SLC25A31: variants seen among roughly 807,000 people sequenced by gnomAD.
The protein encoded by SLC25A31 is ADP/ATP translocase 4.
In SLC25A31, 40 loss-of-function variants were observed where a neutral mutation model predicts 36.2. That is an observed-to-expected ratio of 1.10 (90% CI 0.86 to 1.44). SLC25A31 has a LOEUF of 1.44. SLC25A31 is among the 40% of genes most tolerant of loss of function. The probability of loss-of-function intolerance (pLI) is 0.00; values close to 1 mark genes in which losing one functional copy is unlikely to be tolerated. For missense variants in SLC25A31, 350 were observed against 397.1 expected, an observed-to-expected ratio of 0.88 and a Z score of 1.01; for synonymous variants, 143 against 149.7, an observed-to-expected ratio of 0.96 and a Z score of 0.32.
At chr4:127,732,958 G>A (rs958022646) in intron 1 of SLC25A31, among the ~76,000 whole-genome samples, 4 of 152,186 alleles carry the variant, frequency 2.6e-5, no homozygotes, top group African/African-American at 9.7e-5. Context: ...GCTATATGCA[G>A]GCCAGTCATA....
rs116063431 is a variant in SLC25A31 at position 127,764,303 on chromosome 4, T to G, written c.421T>G (p.Cys141Gly). Residue 141 changes from cysteine (C) to glycine (G), a missense_variant, in exon 3 of 6, where the codon TGT becomes GGT. Coordinates refer to ENST00000281154, the MANE Select transcript of SLC25A31 (RefSeq NM_031291.4). ...SGGAAGATSL[C>G]VVYPLDFART... is the part of the protein sequence containing the mutation. Reference sequence around the variant, plus strand: ...TGGAGCTGCTGGGGCAACATCCTTATGTGTAGTATATCCTCTAGATTTTGC... The same window carrying G: ...TGGAGCTGCTGGGGCAACATCCTTAGGTGTAGTATATCCTCTAGATTTTGC... The G allele has an allele frequency of 1.9e-6, 3 of 1,614,168 alleles. No individual in the cohort carries two copies. The highest frequency in any genetic ancestry group is 1.1e-5 in the South Asian group (1 of 91,082).
At position 127,755,494 on chromosome 4, in the gene SLC25A31, A is replaced by G. The variant is rs1427753151; in HGVS notation, c.361-8749A>G. ...AAATGTACCAAAAACCTAAAGAGAC[A>G]CTTCTCAAACGAAGACATACAGATA... is the stretch of plus-strand genomic sequence containing the variant. On this transcript the variant is annotated intron_variant, in intron 2 of 5. Transcript: ENST00000281154. Among the ~76,000 whole-genome samples the G allele has an allele frequency of 5.9e-5, 9 of 152,322 alleles. No individual in the cohort carries two copies. In the East Asian group the frequency reaches 1.7e-3, roughly 29 times the overall value.
At chr4:127,742,208 G>T (rs1731745056) in intron 1 of SLC25A31, among the ~76,000 whole-genome samples, 1 of 151,998 alleles carries the variant, frequency 6.6e-6, no homozygotes, top group South Asian at 2.1e-4. Context: ...GATGTTTATT[G>T]TTTCTCATCA....
Position 127,773,738 on chromosome 4 carries a change from A to C in SLC25A31, c.*164A>C. On this transcript the variant is annotated 3_prime_UTR_variant, in exon 6 of 6. Transcript: ENST00000281154. ...TTCAAGAATTTAAATACTAAAAATC[A>C]GATAAATGTGGATTTTCCTCCCACT... 1.9e-6 allele frequency: 1 copy of C among 524,002 alleles called. No individual in the cohort carries two copies. The highest frequency in any genetic ancestry group is 3.1e-6 in the Non-Finnish European group (1 of 325,050). 32.5% of individuals were successfully genotyped at this position (524,002 alleles called of 1,614,324 possible).
rs574411525 is a variant in SLC25A31, at chr4:127,770,442, C to T, written c.759+1565C>T. 5.3e-5 allele frequency among the ~76,000 whole-genome samples: 8 copies of T among 152,002 alleles called. No homozygotes were observed. In the East Asian group the frequency reaches 7.7e-4, roughly 15 times the overall value. ...GAGATCAAGACCATCCTGGCTAACA[C>T]GGTGAAACTCCATCTCTACTAAAAA... On this transcript the variant is annotated intron_variant, in intron 5 of 5. Transcript: ENST00000281154.
intron 3 of SLC25A31, among the ~76,000 whole-genome samples, chr4:127,764,835 C>A (rs1194328892): frequency 6.6e-6 from 1 of 152,020 alleles, no homozygotes; most frequent in Non-Finnish European, 1.5e-5. Flanking sequence ...AAATTGAGCT[C>A]TTACATATCT....
chr4:127,768,491 A>G (rs994096053), intron 4 of SLC25A31, among the ~76,000 whole-genome samples: 1 of 152,076 alleles, frequency 6.6e-6, no homozygotes, highest in African/African-American at 2.4e-5. Context: ...AATGTCTGCT[A>G]TCTTCCCTAG....
At chr4:127,749,883 A>G (rs1477462966) in intron 2 of SLC25A31, among the ~76,000 whole-genome samples, 2 of 152,142 alleles carry the variant, frequency 1.3e-5, no homozygotes. Flanking sequence ...AAATAAATTA[A>G]CAAAGAATAC....
At chr4:127,762,817 A>G (rs1210473995) in intron 2 of SLC25A31, among the ~76,000 whole-genome samples, 2 of 151,838 alleles carry the variant, frequency 1.3e-5, no homozygotes, top group Non-Finnish European at 2.9e-5. Flanking sequence ...CCAGCTACTC[A>G]GGAGGCTGAG....
intron 2 of SLC25A31, among the ~76,000 whole-genome samples, chr4:127,749,464 A>G (rs1213344667): frequency 6.6e-6 from 1 of 152,156 alleles, no homozygotes; most frequent in African/African-American, 2.4e-5. Flanking sequence ...GTGGATGGGC[A>G]CTGGTGTGTA....
intron 1 of SLC25A31, among the ~76,000 whole-genome samples, chr4:127,735,654 T>G (rs1485316710): frequency 6.6e-6 from 1 of 152,026 alleles, no homozygotes; most frequent in Non-Finnish European, 1.5e-5. Flanking sequence ...ATCTCATTCT[T>G]TAATTTATAT....
chr4:127,770,865 TCCTCTGAAGA>T (rs1732343857), intron 5 of SLC25A31, among the ~76,000 whole-genome samples: 1 of 151,992 alleles, frequency 6.6e-6, no homozygotes, highest in Non-Finnish European at 1.5e-5. Flanking sequence ...AGACTTGGTT[TCCTCTGAAGA>T]CCTCTCTCCT....
chr4:127,736,132 G>C (rs1014961146), intron 1 of SLC25A31, among the ~76,000 whole-genome samples: 1 of 151,710 alleles, frequency 6.6e-6, no homozygotes, highest in Non-Finnish European at 1.5e-5. Flanking sequence ...CTCGTGATCC[G>C]CCCGCCTCGG....
intron 5 of SLC25A31, among the ~76,000 whole-genome samples, chr4:127,772,457 A>G (rs1732381307): frequency 2.6e-5 from 4 of 152,060 alleles, no homozygotes; most frequent in African/African-American, 9.7e-5. Context: ...TCCTCAAACA[A>G]TATTTCCAAA....
Position 127,764,287 on chromosome 4 carries a change from T to A in SLC25A31, c.405T>A (p.Ala135=). 6.2e-7 allele frequency: 1 copy of A among 1,614,074 alleles called. No homozygotes were observed. Among genetic ancestry groups the A allele is most frequent in the Non-Finnish European group, 8.5e-7 (1 of 1,179,956 alleles). The change falls in exon 3 of 6, where the codon GCT becomes GCA. Residue 135 remains alanine (A), a synonymous_variant. Coordinates refer to ENST00000281154, the MANE Select transcript of SLC25A31 (RefSeq NM_031291.4). ...CAAACCTGGCTTCTGGTGGAGCTGC[T>A]GGGGCAACATCCTTATGTGTAGTAT... ...FLANLASGGA[A]GATSLCVVYP...
At chr4:127,744,550 C>CT in intron 1 of SLC25A31, 122 bp from the exon 2 acceptor site, 1 of 868,950 alleles carries the variant, frequency 1.2e-6, no homozygotes, top group Non-Finnish European at 1.6e-6. Context: ...TTTTAGAAAA[C>CT]TTTATTTTTC....
intron 1 of SLC25A31, among the ~76,000 whole-genome samples, chr4:127,737,555 C>T (rs74645404): frequency 6.9e-6 from 1 of 145,920 alleles, no homozygotes; most frequent in African/African-American, 2.5e-5. Flanking sequence ...TTGTACTACT[C>T]TTTTTTTTTT....
chr4:127,769,677 T>C (rs919977965), intron 5 of SLC25A31, among the ~76,000 whole-genome samples: 2 of 152,204 alleles, frequency 1.3e-5, no homozygotes, highest in Admixed American at 6.5e-5. Flanking sequence ...TAGTCTAATA[T>C]TGAAGACAGC....
rs540018883 is a variant in SLC25A31 at position 127,736,068 on chromosome 4, T to G, written c.232+5291T>G. 7.9e-5 allele frequency among the ~76,000 whole-genome samples: 12 copies of G among 151,024 alleles called. No individual in the cohort carries two copies. The South Asian group carries it at 2.5e-3, about 31-fold the overall frequency. On this transcript the variant is annotated intron_variant, in intron 1 of 5. Transcript: ENST00000281154. ...CCACGCCCGGCTAATTTTTTGTATTTTTAGTAGAGACGGGGTTTCACCTTG... is the reference window on the plus strand; with the variant it reads ...CCACGCCCGGCTAATTTTTTGTATTGTTAGTAGAGACGGGGTTTCACCTTG...
Sources: allele counts gnomAD v4.1 joint callset (sites outside exome capture counted in the v4.1 genomes callset), GRCh38; gene constraint gnomAD v4.1.1; transcripts MANE v1.5; gene names NCBI Gene and HGNC (gene_info 2026-07-23, HGNC 2026-07-21).